NUSAP1: variants seen among roughly 807,000 people sequenced by gnomAD.
The protein encoded by NUSAP1 is nucleolar and spindle-associated protein 1.
In NUSAP1, 32 loss-of-function variants were observed where a neutral mutation model predicts 52.8. The ratio of observed to expected loss-of-function variants is 0.61; its 90% CI spans 0.46 to 0.81. The LOEUF is 0.81. Ranked by LOEUF, NUSAP1 falls within the 40% of genes least tolerant of loss-of-function variation. NUSAP1 has a pLI of 0.00. For synonymous variants in NUSAP1, 195 were observed against 183.1 expected (o/e 1.06, Z -0.52); for missense variants, 499 against 522.3 (o/e 0.96, Z 0.43).
At chr15:41,354,455 A>C (rs1421043870) in intron 4 of NUSAP1, among the ~76,000 whole-genome samples, 2 of 152,064 alleles carry the variant, frequency 1.3e-5, no homozygotes, top group Non-Finnish European at 2.9e-5. Context: ...CAGTGAGCCA[A>C]GATCGCGCCA....
Position 41,371,580 on chromosome 15 carries a change from CA to C in NUSAP1, c.903del (p.Ala302ProfsTer7). The C allele has an allele frequency of 6.2e-7, 1 of 1,611,400 alleles. No homozygotes were observed. Among genetic ancestry groups the C allele is most frequent in the Non-Finnish European group, 8.5e-7 (1 of 1,179,188 alleles). On this transcript the variant is annotated frameshift_variant, in exon 8 of 11. Transcript: ENST00000559596. LOFTEE classifies it high-confidence loss of function. ...NEHKRSLTKT[P>X]ARKSAHVTVS... ...CATAAGCGTTCACTGACCAAGACTC[CA>C]GCCAGAAAGTCTGCACATGTGACCG... is the stretch of plus-strand genomic sequence containing the variant.
chr15:41,372,722 G>T (rs1257217281), intron 8 of NUSAP1, among the ~76,000 whole-genome samples: 2 of 152,092 alleles, frequency 1.3e-5, no homozygotes, highest in Admixed American at 6.6e-5. Context: ...AGTGGTCTTA[G>T]ATCCTGATTG....
rs530467382 is a variant in NUSAP1 at position 41,366,210 on chromosome 15, T to G, written c.848+621T>G. ...CTGGTTTTGAACTCTTGGGCTCAAGTGATCATCCCACCTTGGCCAACCAAA... is the reference window on the plus strand; with the variant it reads ...CTGGTTTTGAACTCTTGGGCTCAAGGGATCATCCCACCTTGGCCAACCAAA... On this transcript the variant is annotated intron_variant, in intron 7 of 10. Transcript: ENST00000559596. Among the ~76,000 whole-genome samples the G allele has an allele frequency of 2.0e-5, 3 of 152,264 alleles. No individual in the cohort carries two copies. The South Asian group carries it at 6.2e-4, about 31-fold the overall frequency.
At chr15:41,379,020 C>T (rs532662819) in intron 10 of NUSAP1, among the ~76,000 whole-genome samples, 216 of 116,746 alleles carry the variant, frequency 1.9e-3, no homozygotes, top group African/African-American at 6.5e-3. Context: ...GTGGTGCGAT[C>T]TTGGCTCACT....
chr15:41,349,492 G>T (rs1030304865), intron 3 of NUSAP1: 7 of 358,636 alleles, frequency 2.0e-5, no homozygotes, highest in Non-Finnish European at 3.6e-5. Flanking sequence ...CATTCATTGA[G>T]TGTTCACTTA....
intron 7 of NUSAP1, among the ~76,000 whole-genome samples, chr15:41,366,292 T>C (rs1049512150): frequency 9.5e-5 from 10 of 105,246 alleles, no homozygotes; most frequent in Admixed American, 7.0e-4. Flanking sequence ...TTCTTTTTTC[T>C]TTTTTTTTTT....
At chr15:41,354,160 G>C (rs993338429) in intron 4 of NUSAP1, among the ~76,000 whole-genome samples, 1 of 152,162 alleles carries the variant, frequency 6.6e-6, no homozygotes, top group Admixed American at 6.6e-5. Context: ...AGTATCACTT[G>C]TGCCCAGGAT....
chr15:41,349,789 A>ATTTC (rs1491450096), intron 3 of NUSAP1, among the ~76,000 whole-genome samples: 1 of 133,110 alleles, frequency 7.5e-6, no homozygotes, highest in African/African-American at 2.8e-5. Flanking sequence ...TTTTTGAGAC[A>ATTTC]GAGTTTCACT....
chr15:41,351,654 G>T (rs1272832596), intron 4 of NUSAP1, among the ~76,000 whole-genome samples: 1 of 152,102 alleles, frequency 6.6e-6, no homozygotes, highest in Non-Finnish European at 1.5e-5. Flanking sequence ...AGCCATGATG[G>T]TGCACACCTG....
At chr15:41,336,271 T>A (rs1272029203) in intron 1 of NUSAP1, among the ~76,000 whole-genome samples, 1 of 124,298 alleles carries the variant, frequency 8.0e-6, no homozygotes, top group East Asian at 3.1e-4. Flanking sequence ...CGTCTAAAAA[T>A]AATAATAATA....
intron 8 of NUSAP1, among the ~76,000 whole-genome samples, chr15:41,374,074 A>T (rs1470205265): frequency 3.3e-5 from 5 of 152,182 alleles, no homozygotes; most frequent in African/African-American, 1.2e-4. Context: ...CTGCTTAGCA[A>T]AGGAAATTAA....
chr15:41,375,612 A>G (rs1221783306), intron 8 of NUSAP1, 100 bp from the exon 9 acceptor site: 1 of 803,056 alleles, frequency 1.2e-6, no homozygotes, highest in African/African-American at 1.7e-5. Context: ...TGCCCAGCCT[A>G]TAACGTGTAT....
chr15:41,376,515 GTC>G (rs1487701122), intron 9 of NUSAP1, among the ~76,000 whole-genome samples: 22 of 150,628 alleles, frequency 1.5e-4, no homozygotes, highest in African/African-American at 5.4e-4. Context: ...TTGAAACCCC[GTC>G]TCTACCAAAA....
intron 1 of NUSAP1, among the ~76,000 whole-genome samples, chr15:41,336,648 G>GTGTTTTT (rs1555426223): frequency 2.2e-5 from 2 of 91,372 alleles, no homozygotes; most frequent in East Asian, 2.4e-4. Flanking sequence ...CCTCCTTTTG[G>GTGTTTTT]TTTTTTTTTT....
At chr15:41,377,531 C>G (rs911578717) in intron 10 of NUSAP1, among the ~76,000 whole-genome samples, 2 of 151,070 alleles carry the variant, frequency 1.3e-5, no homozygotes, top group Non-Finnish European at 2.9e-5. Context: ...AACCCCGTCT[C>G]TACTAAAAAT....
In NUSAP1 at chr15:41,371,647, A is replaced by T. The variant is rs754770792; in HGVS notation, c.969A>T (p.Thr323=). 1.3e-6 allele frequency: 2 copies of T among 1,596,696 alleles called. No individual in the cohort carries two copies. The highest frequency in any genetic ancestry group is 4.5e-5 in the East Asian group (2 of 44,780). ...GTPKGEAVLG[T]HKLKTITGNS... ...CAAAAGGCGAGGCTGTGCTTGGGAC[A>T]CACAAATTAAAGACCATCACGGGGA... is the stretch of plus-strand genomic sequence containing the variant. The change falls in exon 8 of 11, where the codon ACA becomes ACT. Residue 323 remains threonine, a synonymous_variant. Transcript: ENST00000559596.
chr15:41,346,878 A>AATAC (rs1409592665), intron 2 of NUSAP1, among the ~76,000 whole-genome samples: 1 of 121,136 alleles, frequency 8.3e-6, no homozygotes, highest in Admixed American at 8.8e-5. Flanking sequence ...TAAATAAATA[A>AATAC]ATACTGATGT....
chr15:41,376,676 A>G (rs1316065427), intron 9 of NUSAP1, among the ~76,000 whole-genome samples: 1 of 151,494 alleles, frequency 6.6e-6, no homozygotes, highest in East Asian at 1.9e-4. Context: ...GGGCGACAGA[A>G]CGAGACTCTG....
intron 6 of NUSAP1, among the ~76,000 whole-genome samples, chr15:41,360,764 T>G (rs2049141612): frequency 6.6e-6 from 1 of 151,116 alleles, no homozygotes; most frequent in Admixed American, 6.6e-5. Flanking sequence ...TCCTCACTGT[T>G]ACCACATTTG....
Sources: allele counts gnomAD v4.1 joint callset (sites outside exome capture counted in the v4.1 genomes callset), GRCh38; gene constraint gnomAD v4.1.1; transcripts MANE v1.5; gene names NCBI Gene and HGNC (gene_info 2026-07-23, HGNC 2026-07-21).